CBR4: variants seen among roughly 807,000 people sequenced by gnomAD.
The protein encoded by CBR4 is 3-oxoacyl-[acyl-carrier-protein] reductase.
In CBR4, 22 loss-of-function variants were observed where a neutral mutation model predicts 21.0. The observed-to-expected ratio is 1.05, with a 90% CI of 0.75 to 1.50. The LOEUF is 1.50. Among genes scored for constraint, CBR4 ranks in the 40% most tolerant of loss-of-function variants. The pLI is 0.00. For synonymous variants in CBR4, 100 were observed against 104.4 expected, an observed-to-expected ratio of 0.96 and a Z score of 0.26; for missense variants, 302 against 286.3, an observed-to-expected ratio of 1.05 and a Z score of -0.40.
intron 2 of CBR4, among the ~76,000 whole-genome samples, chr4:168,902,939 T>C (rs1756864318): frequency 6.6e-6 from 1 of 151,924 alleles, no homozygotes; most frequent in Admixed American, 6.6e-5. Context: ...ACCCAGATAA[T>C]TTTTTTATTT....
chr4:169,000,215 C>T (rs140689395), intron 4 of CBR4, among the ~76,000 whole-genome samples: 3 of 152,208 alleles, frequency 2.0e-5, no homozygotes, highest in African/African-American at 7.2e-5. Flanking sequence ...TTGCATAAAG[C>T]ATACACAAAG....
chr4:168,947,229 GTTTC>G (rs1218119523), intron 2 of CBR4, among the ~76,000 whole-genome samples: 1 of 151,918 alleles, frequency 6.6e-6, no homozygotes, highest in African/African-American at 2.4e-5. Context: ...AGTTTCTATA[GTTTC>G]TTTTAGTCTA....
chr4:168,926,209 G>A lies in CBR4; in HGVS notation n.170-31444C>T, dbSNP rs113515140. On this transcript the variant is annotated intron_variant and non_coding_transcript_variant, in intron 2 of 3. Transcript: ENST00000509108. ...AAATCTTAATTTACTCTTTTTCTTT[G>A]TAGCCCAGTGGCATCAGCAGTCACA... 1.9e-4 allele frequency: 280 copies of A among 1,508,264 alleles called. 2 individuals are homozygous for A. In the African/African-American group the frequency reaches 3.4e-3, roughly 18 times the overall value. 93.4% of individuals were successfully genotyped at this position (1,508,264 alleles called of 1,614,324 possible).
intron 2 of CBR4, chr4:168,927,595 A>AT (rs1762722469): frequency 8.7e-6 from 2 of 229,202 alleles, no homozygotes; most frequent in Non-Finnish European, 8.7e-6. Flanking sequence ...GCCATAAAGT[A>AT]TTTTTTCAAA....
intron 2 of CBR4, among the ~76,000 whole-genome samples, chr4:168,934,279 A>AAAAAAAAAAAAAAAAAAAAAAAG: frequency 3.3e-5 from 1 of 30,112 alleles, no homozygotes; most frequent in East Asian, 4.3e-3. Context: ...AAAGCAAAAA[A>AAAAAAAAAAAAAAAAAAAAAAAG]AACAAAAAAA....
At position 168,922,098 on chromosome 4, in the gene CBR4, TATATACACAC is replaced by T. The variant is rs1313530515; in HGVS notation, n.170-27343_170-27334del. Among the ~76,000 whole-genome samples the T allele has an allele frequency of 3.2e-3, 341 of 107,616 alleles. 1 individual carries two copies. Among genetic ancestry groups the T allele is most frequent in the African/African-American group, 6.0e-3 (191 of 31,960 alleles). 70.6% of individuals were successfully genotyped at this position (107,616 alleles called of 152,430 possible). On this transcript the variant is annotated intron_variant and non_coding_transcript_variant, in intron 2 of 3. Coordinates refer to the CBR4 transcript ENST00000509108. ...AAAGTTTTATATTTATATATATATA[TATATACACAC>T]ACACACACACACACACACACACACA...
intron 2 of CBR4, among the ~76,000 whole-genome samples, chr4:168,914,841 G>A (rs895257594): frequency 1.3e-5 from 2 of 152,228 alleles, no homozygotes; most frequent in East Asian, 3.8e-4. Flanking sequence ...AACAAGTGGT[G>A]TGTGACTGCA....
chr4:168,896,258 T>C (rs1161351794), intron 2 of CBR4, among the ~76,000 whole-genome samples: 1 of 152,010 alleles, frequency 6.6e-6, no homozygotes, highest in African/African-American at 2.4e-5. Flanking sequence ...CTGAACATCT[T>C]AGGTTAGCCT....
chr4:169,008,826 C>CA (rs1373730973), intron 1 of CBR4: 1 of 373,132 alleles, frequency 2.7e-6, no homozygotes, highest in African/African-American at 2.1e-5. Context: ...CATTCACTGA[C>CA]ACTCTCCCTG....
intron 2 of CBR4, among the ~76,000 whole-genome samples, chr4:168,933,120 C>T (rs1367235577): frequency 2.0e-5 from 3 of 151,932 alleles, no homozygotes; most frequent in Non-Finnish European, 4.4e-5. Context: ...AATATACAAC[C>T]GGAAAACCAT....
intron 2 of CBR4, among the ~76,000 whole-genome samples, chr4:168,955,337 T>C (rs1298753743): frequency 6.6e-6 from 1 of 152,196 alleles, no homozygotes; most frequent in African/African-American, 2.4e-5. Context: ...GTGATTCTCT[T>C]TGAGAAATAG....
chr4:168,928,326 T>TAA (rs398064261), intron 2 of CBR4: 8 of 179,418 alleles, frequency 4.5e-5, no homozygotes, highest in African/African-American at 7.2e-5. Context: ...ATTGTATTTA[T>TAA]AAAAAAAAAA....
chr4:168,908,841 AC>A (rs2151360681), intron 2 of CBR4, among the ~76,000 whole-genome samples: 1 of 152,338 alleles, frequency 6.6e-6, no homozygotes, highest in East Asian at 1.9e-4. Context: ...AAGGGTGAGA[AC>A]CAAGGAGGGA....
chr4:168,898,684 A>C lies in CBR4; in HGVS notation n.170-3919T>G, dbSNP rs113676921. 1 of 1,613,732 alleles carries C rather than the reference A, an allele frequency of 6.2e-7. No homozygotes were observed. Among genetic ancestry groups the C allele is most frequent in the Admixed American group, 1.7e-5 (1 of 60,004 alleles). ...TTGAGGGAATGCCAGTAACTTTCAC[A>C]TGTAGAGTGGCTGGAAATCCAAAGC... is the stretch of plus-strand genomic sequence containing the variant. On this transcript the variant is annotated intron_variant and non_coding_transcript_variant, in intron 2 of 3. Transcript: ENST00000509108.
At chr4:168,926,749 AGT>A in intron 2 of CBR4, 4 of 256,948 alleles carry the variant, frequency 1.6e-5, no homozygotes, top group Non-Finnish European at 3.0e-5. Context: ...GTAGCCTGAT[AGT>A]GTGAAATGTT....
intron 2 of CBR4, among the ~76,000 whole-genome samples, chr4:168,914,842 T>G (rs1759775084): frequency 6.6e-6 from 1 of 152,206 alleles, no homozygotes; most frequent in Non-Finnish European, 1.5e-5. Context: ...ACAAGTGGTG[T>G]GTGACTGCAT....
intron 2 of CBR4, chr4:168,898,845 AAT>A (rs1755833882): frequency 1.4e-6 from 1 of 735,888 alleles, no homozygotes; most frequent in African/African-American, 1.7e-5. Flanking sequence ...AAGGGTTTTA[AAT>A]ATTCTTAAGT....
intron 2 of CBR4, among the ~76,000 whole-genome samples, chr4:168,903,352 C>A (rs368055749): frequency 2.6e-5 from 4 of 152,128 alleles, no homozygotes. Context: ...ATTTTATAAA[C>A]AATACATTTT....
chr4:168,958,202 T>C (rs1275197714), intron 2 of CBR4, among the ~76,000 whole-genome samples: 1 of 151,580 alleles, frequency 6.6e-6, no homozygotes, highest in Non-Finnish European at 1.5e-5. Context: ...AGGCGGAGGT[T>C]GCAGTGAGCC....
Sources: gnomAD v4.1 joint callset for allele counts (sites outside exome capture counted in the v4.1 genomes callset) on GRCh38, gnomAD v4.1.1 for gene constraint, MANE v1.5 for transcripts, NCBI Gene and HGNC (gene_info 2026-07-23, HGNC 2026-07-21) for gene names.